TMEM106A: variants seen among roughly 807,000 people sequenced by gnomAD.
The protein encoded by TMEM106A is transmembrane protein 106A.
In TMEM106A, 22 loss-of-function variants were observed where a neutral mutation model predicts 25.1. The ratio of observed to expected loss-of-function variants is 0.88; its 90% confidence interval spans 0.63 to 1.25. The LOEUF is 1.25. Ranked by LOEUF, TMEM106A falls within the 50% of genes most tolerant of loss-of-function variation. The probability of loss-of-function intolerance (pLI) is 0.00; values close to 1 mark genes in which losing one functional copy is unlikely to be tolerated. For missense variants in TMEM106A, 275 were observed against 318.1 expected (o/e 0.86, Z 1.03); for synonymous variants, 104 against 129.9 (o/e 0.80, Z 1.35).
chr17:43,214,261 C>T (rs2057465229), intron 4 of TMEM106A, among the ~76,000 whole-genome samples: 1 of 151,102 alleles, frequency 6.6e-6, no homozygotes, highest in Non-Finnish European at 1.5e-5. Context: ...GTGGGCACAG[C>T]AGATGTCACT....
At position 43,216,573 on chromosome 17, in the gene TMEM106A, C is replaced by A. The variant is rs1455231486; in HGVS notation, c.554C>A (p.Pro185His). ...VSNNLLLHIG[P>H]LASEQMFYAV... ...AACAACCTTCTCCTACACATTGGCC[C>A]TTTGGCCAGTGAACAGGTGACTCCC... Residue 185 changes from proline to histidine, a missense_variant, in exon 6 of 9, where the codon CCT (proline) becomes CAT (histidine). Pro to His is a moderately conservative substitution (Grantham distance 77). Coordinates refer to ENST00000612339, the MANE Select transcript of TMEM106A (RefSeq NM_145041.4). 6.2e-7 allele frequency: 1 copy of A among 1,614,226 alleles called. No homozygotes were observed. The highest frequency in any genetic ancestry group is 2.2e-5 in the East Asian group (1 of 44,886).
At chr17:43,215,723 CT>C in intron 4 of TMEM106A, 64 bp from the exon 5 acceptor site, 1 of 1,577,756 alleles carries the variant, frequency 6.3e-7, no homozygotes, top group Non-Finnish European at 8.7e-7. Flanking sequence ...TCTGAACCCC[CT>C]CTCCGAGTTT....
At chr17:43,216,859 C>G in intron 7 of TMEM106A, 119 bp downstream of exon 7, 1 of 1,327,824 alleles carries the variant, frequency 7.5e-7, no homozygotes, top group Non-Finnish European at 1.1e-6. Flanking sequence ...GCCTGCCCTC[C>G]CATGGCCGAG....
Position 43,216,553 on chromosome 17 carries a change from C to A in TMEM106A, c.534C>A (p.Asn178Lys), listed in dbSNP as rs2057488064. ...LSLVVGQVSNNLLLHIGPLAS... is the reference protein window; with the variant it reads ...LSLVVGQVSNKLLLHIGPLAS... ...TCGTGGTGGGGCAGGTTTCCAACAA[C>A]CTTCTCCTACACATTGGCCCTTTGG... Residue 178 changes from asparagine to lysine, a missense_variant, in exon 6 of 9, where the codon AAC becomes AAA. Coordinates refer to ENST00000612339, the MANE Select transcript of TMEM106A (RefSeq NM_145041.4). The A allele has an allele frequency of 6.2e-7, 1 of 1,614,136 alleles. No homozygotes were observed. Among genetic ancestry groups the A allele is most frequent in the South Asian group, 1.1e-5 (1 of 91,096 alleles).
chr17:43,216,339 C>T lies in TMEM106A; in HGVS notation c.430-110C>T, dbSNP rs2057485692. On this transcript the variant is annotated intron_variant, in intron 5 of 8. Coordinates refer to ENST00000612339, the MANE Select transcript of TMEM106A (RefSeq NM_145041.4). ...CAGTTTTCATCCTCTGCACCTGAAG[C>T]TTGTCATGGTAGATGGGGCTCAGGC... The T allele has an allele frequency of 1.3e-5, 18 of 1,430,570 alleles. No homozygotes were observed. In the South Asian group the frequency reaches 1.7e-4, roughly 14 times the overall value. 88.6% of individuals were successfully genotyped at this position (1,430,570 alleles called of 1,614,324 possible).
At position 43,217,991 on chromosome 17, in the gene TMEM106A, C is replaced by T; in HGVS notation, c.*190C>T. On this transcript the variant is annotated 3_prime_UTR_variant, in exon 9 of 9. Transcript: ENST00000612339. ...TAACTTCATACACACACACTCATAT[C>T]CTCCAGTTTCCCCCAGATTCTTTCA... is the stretch of plus-strand genomic sequence containing the variant. The T allele has an allele frequency of 1.4e-6, 1 of 739,838 alleles. No individual in the cohort carries two copies. The highest frequency in any genetic ancestry group is 1.9e-5 in the South Asian group (1 of 51,818). The allele number at this position is 739,838 out of a possible 1,614,324, so 45.8% of individuals were successfully genotyped here. A position where few individuals can be genotyped will look rare whatever the true frequency, so the allele number is the denominator to read the frequency against.
chr17:43,213,511 T>G (rs2057456432), intron 3 of TMEM106A, among the ~76,000 whole-genome samples: 1 of 152,198 alleles, frequency 6.6e-6, no homozygotes, highest in African/African-American at 2.4e-5. Context: ...AGCAACACTG[T>G]GTGTCCTAGG....
chr17:43,215,860 CCGGTCCGT>C lies in TMEM106A; in HGVS notation c.350_357del (p.Arg117HisfsTer15). On this transcript the variant is annotated frameshift_variant, in exon 5 of 9. Coordinates refer to ENST00000612339, the MANE Select transcript of TMEM106A (RefSeq NM_145041.4). LOFTEE classifies it high-confidence loss of function. ...CCTTCATCGTCTTTTTCCTGTTTCC[CCGGTCCGT>C]CATTGTGCAGCCTGCAGGCCTCAAC... is the stretch of plus-strand genomic sequence containing the variant. The C allele has an allele frequency of 6.2e-7, 1 of 1,614,084 alleles. No homozygotes were observed. Among genetic ancestry groups the C allele is most frequent in the Non-Finnish European group, 8.5e-7 (1 of 1,180,026 alleles).
chr17:43,217,311 C>T lies in TMEM106A; in HGVS notation c.667C>T (p.Gln223Ter), dbSNP rs559816440. Residue 223 changes from glutamine to a stop codon, truncating the protein, a stop_gained and splice_region_variant, in exon 8 of 9, where the codon CAG becomes TAG. Transcript: ENST00000612339. LOFTEE classifies it high-confidence loss of function. ...AGTCCACCATGTGCTTTTGCACATC[C>T]AGTAAGTAGAGCTTGGAGCTCTGGT... ...IKVHHVLLHI[Q>*]GTLTCSYLSH... 2 of 1,614,206 alleles carry T rather than the reference C, an allele frequency of 1.2e-6. No individual in the cohort carries two copies. Among genetic ancestry groups the T allele is most frequent in the East Asian group, 2.2e-5 (1 of 44,878 alleles).
intron 8 of TMEM106A, 55 bp from the exon 9 acceptor site, chr17:43,217,626 G>C (rs1035432093): frequency 7.5e-6 from 12 of 1,609,946 alleles, no homozygotes; most frequent in Non-Finnish European, 1.0e-5. Context: ...GTATAATGGG[G>C]CCAGAGCTTT....
intron 4 of TMEM106A, among the ~76,000 whole-genome samples, chr17:43,214,636 G>C (rs1049276922): frequency 5.3e-5 from 8 of 152,010 alleles, no homozygotes; most frequent in African/African-American, 1.7e-4. Flanking sequence ...CCACCAAGCC[G>C]AACCCTCTCC....
rs750986431 is a variant in TMEM106A, at chr17:43,216,705, C to T, written c.579C>T (p.Tyr193=). The change falls in exon 7 of 9, where the codon TAC becomes TAT. Residue 193 remains tyrosine (Y), a synonymous_variant. Transcript: ENST00000612339. ...IGPLASEQMF[Y]AVATKIRDEN... ...GCCCATTTGGTTGACAGATGTTTTA[C>T]GCAGTAGCTACCAAGATACGGGATG... 3.6e-5 allele frequency: 58 copies of T among 1,614,198 alleles called. No homozygotes were observed. Among genetic ancestry groups the T allele is most frequent in the Non-Finnish European group, 4.1e-5 (48 of 1,180,040 alleles).
Position 43,217,703 on chromosome 17 carries a change from C to T in TMEM106A, c.691C>T (p.Leu231=). 1 of 1,614,212 alleles carries T rather than the reference C, an allele frequency of 6.2e-7. No individual in the cohort carries two copies. Among genetic ancestry groups the T allele is most frequent in the African/African-American group, 1.3e-5 (1 of 75,054 alleles). ...CAGGGGCACCCTGACCTGTTCATAC[C>T]TGAGCCATTCAGAGCAGCTGGTCTT... The part of the protein sequence containing the change: ...HIQGTLTCSY[L]SHSEQLVFQS... Residue 231 remains leucine (L), a synonymous_variant, in exon 9 of 9, where the codon CTG becomes TTG. Transcript: ENST00000612339.
intron 3 of TMEM106A, among the ~76,000 whole-genome samples, chr17:43,213,598 G>A (rs561251849): frequency 6.6e-6 from 1 of 152,328 alleles, no homozygotes; most frequent in East Asian, 1.9e-4. Context: ...GACTTTCAGA[G>A]ATTCTTCATA....
chr17:43,216,747 A>AC lies in TMEM106A; in HGVS notation c.614+11dup. The AC allele has an allele frequency of 6.2e-7, 1 of 1,614,116 alleles. No homozygotes were observed. Among genetic ancestry groups the AC allele is most frequent in the Non-Finnish European group, 8.5e-7 (1 of 1,179,996 alleles). On this transcript the variant is annotated splice_region_variant and intron_variant, in intron 7 of 8. Coordinates refer to ENST00000612339, the MANE Select transcript of TMEM106A (RefSeq NM_145041.4). ...TACGGGATGAAAACACATAGTGAGT[A>AC]CCCCTTGATCTCTTCTCCCCTAGCC...
intron 7 of TMEM106A, 26 bp downstream of exon 7, chr17:43,216,766 C>T (rs1392007202): frequency 6.2e-7 from 1 of 1,614,012 alleles, no homozygotes; most frequent in African/African-American, 1.3e-5. Flanking sequence ...TCTCTTCTCC[C>T]CTAGCCACTT....
chr17:43,216,553 C>T lies in TMEM106A; in HGVS notation c.534C>T (p.Asn178=). The change falls in exon 6 of 9, where the codon AAC becomes AAT. Residue 178 remains asparagine, a synonymous_variant. Coordinates refer to ENST00000612339, the MANE Select transcript of TMEM106A (RefSeq NM_145041.4). ...LSLVVGQVSN[N]LLLHIGPLAS... ...TCGTGGTGGGGCAGGTTTCCAACAA[C>T]CTTCTCCTACACATTGGCCCTTTGG... 1.2e-6 allele frequency: 2 copies of T among 1,614,254 alleles called. No individual in the cohort carries two copies. The highest frequency in any genetic ancestry group is 1.7e-6 in the Non-Finnish European group (2 of 1,180,052).
At chr17:43,217,627 C>A in intron 8 of TMEM106A, 54 bp from the exon 9 acceptor site, 1 of 1,609,942 alleles carries the variant, frequency 6.2e-7, no homozygotes, top group Non-Finnish European at 8.5e-7. Context: ...TATAATGGGG[C>A]CAGAGCTTTC....
chr17:43,214,034 C>A, intron 4 of TMEM106A, 143 bp downstream of exon 4: 2 of 810,536 alleles, frequency 2.5e-6, no homozygotes, highest in African/African-American at 1.7e-5. Context: ...CAGCTCCTTA[C>A]GTCCAAGGAT....
Sources: allele counts gnomAD v4.1 joint callset (sites outside exome capture counted in the v4.1 genomes callset), GRCh38; gene constraint gnomAD v4.1.1; transcripts MANE v1.5; gene names NCBI Gene and HGNC (gene_info 2026-07-23, HGNC 2026-07-21).